Variants in MORC1 observed in about 807,000 individuals in gnomAD.
MORC1 encodes the protein MORC family CW-type zinc finger 1.
Under a neutral mutation model 134.9 loss-of-function variants are expected in MORC1, and 59 were observed. The observed-to-expected ratio is 0.44, with a 90% CI of 0.35 to 0.54. The LOEUF is 0.54. MORC1 is among the 20% of genes least tolerant of loss of function. MORC1 has a pLI of 0.00. For synonymous variants in MORC1, 395 were observed against 391.7 expected, an observed-to-expected ratio of 1.01 and a Z score of -0.10; for missense variants, 947 against 1,134.5, an observed-to-expected ratio of 0.83 and a Z score of 2.37.
At chr3:109,064,136 T>C (rs540606056) in intron 9 of MORC1, among the ~76,000 whole-genome samples, 31 of 152,254 alleles carry the variant, frequency 2.0e-4, no homozygotes, top group African/African-American at 7.2e-4. Flanking sequence ...TGTGTGTGTA[T>C]GCATGCGTGT....
At chr3:109,071,240 G>A (rs1950308532) in intron 8 of MORC1, among the ~76,000 whole-genome samples, 1 of 152,034 alleles carries the variant, frequency 6.6e-6, no homozygotes, top group African/African-American at 2.4e-5. Context: ...TCATTTGAAG[G>A]TAAAAAAGTC....
At chr3:109,072,397 T>G (rs530451451) in intron 8 of MORC1, among the ~76,000 whole-genome samples, 31 of 152,132 alleles carry the variant, frequency 2.0e-4, no homozygotes, top group Admixed American at 6.5e-5. Context: ...CCGAGAGAGA[T>G]GAAGTGCTCT....
chr3:109,112,883 A>G (rs896391549), intron 2 of MORC1, among the ~76,000 whole-genome samples: 2 of 152,248 alleles, frequency 1.3e-5, no homozygotes, highest in African/African-American at 4.8e-5. Flanking sequence ...GAATTAGTTT[A>G]TCGATCACAT....
chr3:109,108,102 T>C (rs955199056), intron 3 of MORC1, among the ~76,000 whole-genome samples: 1 of 152,084 alleles, frequency 6.6e-6, no homozygotes, highest in African/African-American at 2.4e-5. Flanking sequence ...GGCAGGAGAA[T>C]TGCTTGAACC....
intron 9 of MORC1, among the ~76,000 whole-genome samples, chr3:109,064,110 T>A (rs1950142778): frequency 6.6e-6 from 1 of 152,186 alleles, no homozygotes. Context: ...TACATAATTT[T>A]ATGTTTAAAA....
In MORC1 at chr3:109,081,453, CT is replaced by C. The variant is rs34049870; in HGVS notation, c.690-11697del. Among the ~76,000 whole-genome samples, 782 of 107,988 alleles carry C rather than the reference CT, an allele frequency of 7.2e-3. 7 individuals are homozygous for C. Among genetic ancestry groups the C allele is most frequent in the African/African-American group, 0.018 (556 of 30,342 alleles). The allele number at this position is 107,988 out of a possible 152,430, so 70.8% of individuals were successfully genotyped here. A position where few individuals can be genotyped will look rare whatever the true frequency, so the allele number is the denominator to read the frequency against. ...CTTAGCAGATGGTACAAGAATTAAACTTTTTTTTTTTTTTTTTTTTGAGACA... is the reference window on the plus strand; with the variant it reads ...CTTAGCAGATGGTACAAGAATTAAACTTTTTTTTTTTTTTTTTTTGAGACA... On this transcript the variant is annotated intron_variant, in intron 8 of 27. Transcript: ENST00000232603.
chr3:109,034,065 C>A (rs1354836923), intron 15 of MORC1, among the ~76,000 whole-genome samples: 1 of 152,116 alleles, frequency 6.6e-6, no homozygotes, highest in Non-Finnish European at 1.5e-5. Flanking sequence ...TTCTAAGTAA[C>A]TGTCTTTTAA....
chr3:109,020,006 T>C (rs532032302), intron 17 of MORC1, among the ~76,000 whole-genome samples: 2 of 152,286 alleles, frequency 1.3e-5, no homozygotes, highest in East Asian at 3.9e-4. Flanking sequence ...AAATGGTGGG[T>C]GAACCATGAA....
chr3:108,999,892 AG>A (rs1460981608), intron 21 of MORC1, among the ~76,000 whole-genome samples: 2 of 152,192 alleles, frequency 1.3e-5, no homozygotes, highest in Non-Finnish European at 2.9e-5. Flanking sequence ...TTTAACAGAA[AG>A]GACACTATAT....
At chr3:109,096,363 G>T (rs191346344) in intron 6 of MORC1, among the ~76,000 whole-genome samples, 1 of 152,104 alleles carries the variant, frequency 6.6e-6, no homozygotes, top group Non-Finnish European at 1.5e-5. Flanking sequence ...AGGTCACAAA[G>T]ACCCTGCTGA....
chr3:108,982,814 G>A (rs1334560866), intron 23 of MORC1, among the ~76,000 whole-genome samples: 3 of 150,998 alleles, frequency 2.0e-5, no homozygotes, highest in Admixed American at 6.6e-5. Context: ...CCAAAAAGTC[G>A]TTAAGGCCCC....
intron 14 of MORC1, among the ~76,000 whole-genome samples, chr3:109,040,479 A>AG: frequency 1.3e-5 from 2 of 149,324 alleles, no homozygotes; most frequent in African/African-American, 5.0e-5. Flanking sequence ...AAAGAAAGAA[A>AG]GAAAGAAAGG....
At chr3:109,046,971 A>G (rs538586388) in intron 14 of MORC1, among the ~76,000 whole-genome samples, 1 of 152,298 alleles carries the variant, frequency 6.6e-6, no homozygotes, top group East Asian at 1.9e-4. Context: ...GAACTTCATA[A>G]GCAAGTGTTT....
At chr3:109,009,207 G>A (rs75630498) in intron 17 of MORC1, among the ~76,000 whole-genome samples, 1 of 118,806 alleles carries the variant, frequency 8.4e-6, no homozygotes, top group Non-Finnish European at 1.6e-5. Context: ...GTTTTTTGTT[G>A]TTTTTTTTTT....
chr3:109,087,572 G>C (rs1950638002), intron 8 of MORC1, among the ~76,000 whole-genome samples: 1 of 151,910 alleles, frequency 6.6e-6, no homozygotes, highest in Non-Finnish European at 1.5e-5. Flanking sequence ...AAATAAATCA[G>C]AGAAGACACA....
At chr3:109,000,753 T>C in intron 20 of MORC1, 95 bp from the exon 21 acceptor site, 1 of 879,144 alleles carries the variant, frequency 1.1e-6, no homozygotes, top group South Asian at 1.8e-5. Flanking sequence ...CTCTACTTAC[T>C]GCAGACTTTT....
At chr3:109,108,091 A>C (rs1399654705) in intron 3 of MORC1, among the ~76,000 whole-genome samples, 1 of 152,152 alleles carries the variant, frequency 6.6e-6, no homozygotes, top group African/African-American at 2.4e-5. Flanking sequence ...GGAAAGGCAG[A>C]GGCAGGAGAA....
intron 4 of MORC1, chr3:109,101,444 A>G (rs898244334): frequency 6.6e-6 from 1 of 152,226 alleles, no homozygotes; most frequent in Non-Finnish European, 1.5e-5. Context: ...ACCAATCTCC[A>G]GAACCAAGAA....
intron 8 of MORC1, among the ~76,000 whole-genome samples, chr3:109,078,410 C>T (rs1950461805): frequency 6.6e-6 from 1 of 151,932 alleles, no homozygotes; most frequent in Non-Finnish European, 1.5e-5. Flanking sequence ...AAAAAGCAAA[C>T]ATATGCACTA....
Sources: allele counts gnomAD v4.1 joint callset (sites outside exome capture counted in the v4.1 genomes callset), GRCh38; gene constraint gnomAD v4.1.1; transcripts MANE v1.5; gene names NCBI Gene and HGNC (gene_info 2026-07-23, HGNC 2026-07-21).